The following CAST variants were observed in gnomAD, a reference collection of about 807,000 sequenced individuals.
CAST encodes the protein calpastatin.
In CAST, 76 loss-of-function variants were observed where a neutral mutation model predicts 119.6. The ratio of observed to expected loss-of-function variants is 0.64; its 90% CI spans 0.53 to 0.77. The LOEUF (loss-of-function observed/expected upper bound fraction) is 0.77. CAST is among the 30% of genes least tolerant of loss of function. The pLI is 0.00. For missense variants in CAST, 953 were observed against 946.5 expected (o/e 1.01, Z -0.09); for synonymous variants, 319 against 331.6 (o/e 0.96, Z 0.41).
At chr5:96,313,040 T>C in the CAST span, among the ~76,000 whole-genome samples, 10 of 152,130 alleles carry the variant, frequency 6.6e-5, no homozygotes, top group Non-Finnish European at 1.5e-4. Context: ...AGTCTACCAC[T>C]GGATATATAG....
chr5:96,200,151 GT>G, the CAST span, among the ~76,000 whole-genome samples: 1 of 152,116 alleles, frequency 6.6e-6, no homozygotes. Flanking sequence ...TGAATGGGAA[GT>G]TTGCATGATA....
At chr5:96,645,840 T>G (rs987804077) in intron 1 of CAST, among the ~76,000 whole-genome samples, 6 of 151,422 alleles carry the variant, frequency 4.0e-5, no homozygotes, top group Non-Finnish European at 7.4e-5. Context: ...AGGAAAAGAT[T>G]AATAAATTTG....
At chr5:96,012,907 G>C in the CAST span, among the ~76,000 whole-genome samples, 1 of 152,144 alleles carries the variant, frequency 6.6e-6, no homozygotes. Context: ...AGTCCAAGGA[G>C]AGTAATAGAC....
At chr5:96,109,997 C>T in the CAST span, among the ~76,000 whole-genome samples, 1 of 151,646 alleles carries the variant, frequency 6.6e-6, no homozygotes, top group Non-Finnish European at 1.5e-5. Context: ...TTTAGAAATT[C>T]GGAGTGAATG....
At chr5:96,729,243 C>T in intron 7 of CAST, 34 bp downstream of exon 7, 2 of 1,183,280 alleles carry the variant, frequency 1.7e-6, no homozygotes, top group South Asian at 2.6e-5. Flanking sequence ...AATTATAAGG[C>T]AACCTCTTTT....
the CAST span, among the ~76,000 whole-genome samples, chr5:96,327,465 T>C: frequency 6.6e-6 from 1 of 152,204 alleles, no homozygotes; most frequent in Non-Finnish European, 1.5e-5. Flanking sequence ...TCAAGAATGG[T>C]AGCTAACCAG....
At chr5:96,409,543 GT>G in the CAST span, among the ~76,000 whole-genome samples, 1 of 152,220 alleles carries the variant, frequency 6.6e-6, no homozygotes, top group Non-Finnish European at 1.5e-5. Flanking sequence ...TAAGGAGGGA[GT>G]TTTACAAAGA....
chr5:96,078,852 G>C, the CAST span, among the ~76,000 whole-genome samples: 1 of 152,028 alleles, frequency 6.6e-6, no homozygotes, highest in Non-Finnish European at 1.5e-5. Context: ...ACCAAGTATT[G>C]CATGTTCTCA....
chr5:96,526,624 T>C (rs1320646787), upstream of CAST, among the ~76,000 whole-genome samples: 1 of 152,218 alleles, frequency 6.6e-6, no homozygotes, highest in Non-Finnish European at 1.5e-5. Context: ...GGGGGTAACA[T>C]GTTCTGAACC....
At chr5:96,454,714 G>A in the CAST span, among the ~76,000 whole-genome samples, 1 of 152,198 alleles carries the variant, frequency 6.6e-6, no homozygotes, top group South Asian at 2.1e-4. Context: ...TTTCTCAAGT[G>A]TTTCACCAGT....
the CAST span, among the ~76,000 whole-genome samples, chr5:96,168,743 T>C: frequency 4.6e-5 from 7 of 152,064 alleles, no homozygotes; most frequent in African/African-American, 1.7e-4. Flanking sequence ...TCAGGTGTGG[T>C]ATCCGGAATA....
chr5:96,011,802 T>G, the CAST span, among the ~76,000 whole-genome samples: 1 of 152,196 alleles, frequency 6.6e-6, no homozygotes, highest in Non-Finnish European at 1.5e-5. Context: ...CCATTGCATC[T>G]TTAGCTGGTT....
chr5:96,192,729 G>A, the CAST span, among the ~76,000 whole-genome samples: 1 of 152,198 alleles, frequency 6.6e-6, no homozygotes, highest in African/African-American at 2.4e-5. Flanking sequence ...AACGTGAGGA[G>A]TGACATTCCA....
the CAST span, among the ~76,000 whole-genome samples, chr5:96,104,458 G>T: frequency 6.6e-6 from 1 of 152,084 alleles, no homozygotes; most frequent in Admixed American, 6.5e-5. Context: ...CATATGGCTA[G>T]CCAGTTTTCC....
the CAST span, among the ~76,000 whole-genome samples, chr5:95,972,051 C>T: frequency 6.6e-6 from 1 of 151,680 alleles, no homozygotes; most frequent in Non-Finnish European, 1.5e-5. Flanking sequence ...CCTGAAAGTC[C>T]TGGCTTCAAG....
At chr5:96,160,134 C>T in the CAST span, among the ~76,000 whole-genome samples, 20 of 151,168 alleles carry the variant, frequency 1.3e-4, no homozygotes, top group South Asian at 8.4e-4. Flanking sequence ...GAGCAAGACT[C>T]GTCGCAAAAG....
At chr5:96,049,912 A>AAAAAAG in the CAST span, among the ~76,000 whole-genome samples, 2 of 148,536 alleles carry the variant, frequency 1.3e-5, no homozygotes, top group South Asian at 2.1e-4. Context: ...AAAAAAAAAA[A>AAAAAAG]AAAAAGAAAA....
At chr5:96,479,450 CTTA>C in the CAST span, among the ~76,000 whole-genome samples, 14 of 115,284 alleles carry the variant, frequency 1.2e-4, 3 homozygotes, top group Non-Finnish European at 1.7e-4. Context: ...CCAGGCACTC[CTTA>C]TTTTTTTTTT....
the CAST span, among the ~76,000 whole-genome samples, chr5:96,512,513 G>A: frequency 6.6e-6 from 1 of 152,234 alleles, no homozygotes; most frequent in Non-Finnish European, 1.5e-5. Flanking sequence ...AATGACTGAC[G>A]GATAGTGGTC....
Sources: gnomAD v4.1 joint callset for allele counts (sites outside exome capture counted in the v4.1 genomes callset) on GRCh38, gnomAD v4.1.1 for gene constraint, MANE v1.5 for transcripts, NCBI Gene and HGNC (gene_info 2026-07-23, HGNC 2026-07-21) for gene names.